MASP1: variants seen among roughly 807,000 people sequenced by gnomAD.
MASP1 encodes MBL associated serine protease 1.
Under a neutral mutation model 77.1 loss-of-function variants are expected in MASP1, and 59 were observed. The ratio of observed to expected loss-of-function variants is 0.77; its 90% CI spans 0.62 to 0.95. MASP1 has a LOEUF of 0.95. Among genes scored for constraint, MASP1 ranks in the 40% least tolerant of loss-of-function variants. MASP1 has a pLI of 0.00. For missense variants in MASP1, 885 were observed against 912.9 expected, an observed-to-expected ratio of 0.97 and a Z score of 0.39; for synonymous variants, 362 against 354.5, an observed-to-expected ratio of 1.02 and a Z score of -0.24.
chr3:187,231,996 G>C (rs1304499555), downstream of MASP1, among the ~76,000 whole-genome samples: 1 of 152,072 alleles, frequency 6.6e-6, no homozygotes, highest in Non-Finnish European at 1.5e-5. Flanking sequence ...AGAGAGAGAG[G>C]ACAAAGGAAG....
At chr3:187,272,263 A>T (rs1018794743) in intron 2 of MASP1, among the ~76,000 whole-genome samples, 1 of 150,724 alleles carries the variant, frequency 6.6e-6, no homozygotes, top group African/African-American at 2.5e-5. Context: ...CTCAAGAGTG[A>T]GTCAAATTGT....
Position 187,249,538 on chromosome 3 carries a change from G to T in MASP1, c.1090+713C>A, listed in dbSNP as rs532323900. Among the ~76,000 whole-genome samples the T allele has an allele frequency of 2.0e-5, 3 of 152,320 alleles. No homozygotes were observed. In the East Asian group the frequency reaches 5.8e-4, roughly 29 times the overall value. ...CTGGGTGTTGAGGGGTGGTTGCAGG[G>T]GGTGGTGGTGAGGTGAAGGGGTTGG... On this transcript the variant is annotated intron_variant, in intron 8 of 10. Transcript: ENST00000296280.
At chr3:187,233,966 G>T, downstream of MASP1, 3 of 602,322 alleles carry the variant, frequency 5.0e-6, no homozygotes, top group Non-Finnish European at 7.4e-6. Context: ...ACCAAAAGTT[G>T]TACTTTTTCT....
chr3:187,229,891 C>T (rs759295813), downstream of MASP1: 43 of 1,613,986 alleles, frequency 2.7e-5, no homozygotes, highest in African/African-American at 6.7e-5. Context: ...CTTGGGGAGC[C>T]CACACACTGC....
chr3:187,266,422 C>T (rs573570703), intron 2 of MASP1, among the ~76,000 whole-genome samples: 4 of 152,212 alleles, frequency 2.6e-5, no homozygotes, highest in Non-Finnish European at 4.4e-5. Context: ...CTCAGGGTAT[C>T]GTAAATGCAA....
intron 9 of MASP1, chr3:187,243,084 T>G (rs1236347709): frequency 9.6e-6 from 3 of 312,874 alleles, no homozygotes; most frequent in Non-Finnish European, 1.8e-5. Context: ...TACTGGCCTT[T>G]TTTTGGAAAC....
chr3:187,262,858 G>C, intron 2 of MASP1, 138 bp from the exon 3 acceptor site: 1 of 715,386 alleles, frequency 1.4e-6, no homozygotes. Context: ...GGAGGTTAAG[G>C]ATTCTTGAGA....
chr3:187,230,041 C>G (rs1029065441), downstream of MASP1: 4 of 895,792 alleles, frequency 4.5e-6, no homozygotes, highest in Non-Finnish European at 6.7e-6. Context: ...ATAATAGCAT[C>G]CCAGTCTTTC....
chr3:187,253,827 A>C (rs1040466598), intron 5 of MASP1, among the ~76,000 whole-genome samples: 5 of 150,808 alleles, frequency 3.3e-5, no homozygotes, highest in African/African-American at 1.2e-4. Context: ...ATCACACACC[A>C]GGGCCTGTCA....
intron 8 of MASP1, among the ~76,000 whole-genome samples, chr3:187,249,338 G>C (rs750606769): frequency 6.6e-6 from 1 of 152,148 alleles, no homozygotes; most frequent in South Asian, 2.1e-4. Context: ...CATTACCAGC[G>C]TGAGCCACCA....
At chr3:187,264,518 T>C (rs542962811) in intron 2 of MASP1, among the ~76,000 whole-genome samples, 39 of 152,126 alleles carry the variant, frequency 2.6e-4, no homozygotes, top group Non-Finnish European at 4.0e-4. Flanking sequence ...CTTTCTCAAG[T>C]GAAACATGCT....
chr3:187,263,767 T>A (rs1191464083), intron 2 of MASP1, among the ~76,000 whole-genome samples: 1 of 152,148 alleles, frequency 6.6e-6, no homozygotes, highest in Non-Finnish European at 1.5e-5. Flanking sequence ...AGAGGCCCTG[T>A]GCGAATTCAG....
At chr3:187,261,023 A>G (rs1461386282) in intron 3 of MASP1, 151 bp from the exon 4 acceptor site, 17 of 958,668 alleles carry the variant, frequency 1.8e-5, no homozygotes, top group Non-Finnish European at 2.5e-5. Flanking sequence ...AGAGGTAGCC[A>G]TTATCTTCAC....
chr3:187,277,090 T>C (rs1717027771), intron 2 of MASP1, among the ~76,000 whole-genome samples: 2 of 152,178 alleles, frequency 1.3e-5, no homozygotes, highest in African/African-American at 2.4e-5. Context: ...CCATCAGAAC[T>C]GGAAGGGTTT....
At chr3:187,233,349 C>G (rs1272056994), downstream of MASP1, among the ~76,000 whole-genome samples, 1 of 152,214 alleles carries the variant, frequency 6.6e-6, no homozygotes, top group Non-Finnish European at 1.5e-5. Flanking sequence ...TCAATGCCCA[C>G]TGCTCTCACT....
chr3:187,256,558 G>T, intron 5 of MASP1, 106 bp downstream of exon 5: 1 of 1,015,124 alleles, frequency 9.9e-7, no homozygotes, highest in East Asian at 2.5e-5. Flanking sequence ...CTAGCTGCTA[G>T]GCTCTCTATC....
downstream of MASP1, among the ~76,000 whole-genome samples, chr3:187,230,570 T>C (rs1408471766): frequency 1.3e-5 from 2 of 152,208 alleles, no homozygotes; most frequent in Admixed American, 1.3e-4. Flanking sequence ...CACATGAATC[T>C]TGTCTCCTCA....
At chr3:187,262,763 A>C in intron 2 of MASP1, 43 bp from the exon 3 acceptor site, 1 of 1,580,538 alleles carries the variant, frequency 6.3e-7, no homozygotes, top group Non-Finnish European at 8.7e-7. Flanking sequence ...GCAGTTTCCC[A>C]GCTAGGCTTC....
At chr3:187,266,206 A>T (rs754750998) in intron 2 of MASP1, among the ~76,000 whole-genome samples, 1 of 152,212 alleles carries the variant, frequency 6.6e-6, no homozygotes, top group Non-Finnish European at 1.5e-5. Context: ...GGACACCAAC[A>T]TGTGGCTGTA....
Sources: gnomAD v4.1 joint callset for allele counts (sites outside exome capture counted in the v4.1 genomes callset) on GRCh38, gnomAD v4.1.1 for gene constraint, MANE v1.5 for transcripts, NCBI Gene and HGNC (gene_info 2026-07-23, HGNC 2026-07-21) for gene names.